The following TMEM267 variants were observed in gnomAD, a reference collection of about 807,000 sequenced individuals.
TMEM267 encodes the protein transmembrane protein C5orf28.
A neutral mutation model predicts 19.3 loss-of-function variants in TMEM267; 20 were observed. The ratio of observed to expected loss-of-function variants is 1.04; its 90% CI spans 0.73 to 1.51. TMEM267 has a LOEUF of 1.51. Among genes scored for constraint, TMEM267 ranks in the 40% most tolerant of loss-of-function variants. TMEM267 has a pLI of 0.00. For synonymous variants in TMEM267, 88 were observed against 90.3 expected (o/e 0.97, Z 0.15); for missense variants, 242 against 261.9 (o/e 0.92, Z 0.52).
intron 1 of TMEM267, among the ~76,000 whole-genome samples, chr5:43,469,897 T>C (rs1012900993): frequency 6.6e-6 from 1 of 152,202 alleles, no homozygotes; most frequent in Non-Finnish European, 1.5e-5. Flanking sequence ...GGATGGCTTA[T>C]CTTCACAGGT....
intron 1 of TMEM267, among the ~76,000 whole-genome samples, chr5:43,483,443 G>C (rs908257373): frequency 6.6e-6 from 1 of 152,192 alleles, no homozygotes; most frequent in South Asian, 2.1e-4. Flanking sequence ...TCTTACAACC[G>C]GTTAAGGACG....
In TMEM267 at chr5:43,445,479, A is replaced by G. The variant is rs897826693; in HGVS notation, c.*743T>C. On this transcript the variant is annotated 3_prime_UTR_variant, in exon 3 of 3. Transcript: ENST00000397080. ...ACTTATTATTTTCAAAACAGTTAAAACTAACACACGAGATTCTAGGCTAGA... is the reference window on the plus strand; with the variant it reads ...ACTTATTATTTTCAAAACAGTTAAAGCTAACACACGAGATTCTAGGCTAGA... 6.6e-6 allele frequency: 1 copy of G among 152,114 alleles called. No homozygotes were observed. Among genetic ancestry groups the G allele is most frequent in the Non-Finnish European group, 1.5e-5 (1 of 67,998 alleles). The allele number at this position is 152,114 out of a possible 1,614,324, so 9.4% of individuals were successfully genotyped here. A position where few individuals can be genotyped will look rare whatever the true frequency, so the allele number is the denominator to read the frequency against.
intron 2 of TMEM267, among the ~76,000 whole-genome samples, chr5:43,450,230 G>C (rs982684177): frequency 6.6e-6 from 1 of 152,156 alleles, no homozygotes; most frequent in Non-Finnish European, 1.5e-5. Flanking sequence ...CTGGCCTCAA[G>C]TGATCCTCCC....
Position 43,454,052 on chromosome 5 carries a change from G to GA in TMEM267, c.-74-10dup, listed in dbSNP as rs1326975546. 3 of 1,490,252 alleles carry GA rather than the reference G, an allele frequency of 2.0e-6. No homozygotes were observed. The highest frequency in any genetic ancestry group is 2.7e-6 in the Non-Finnish European group (3 of 1,117,112). The allele number at this position is 1,490,252 out of a possible 1,614,324, so 92.3% of individuals were successfully genotyped here. ...TTTACATTTCCAGCACCCTAAAGGA[G>GA]AAAGTAGAGAAAAATATGAATGAAG... On this transcript the variant is annotated splice_polypyrimidine_tract_variant and intron_variant, in intron 1 of 2. Transcript: ENST00000397080.
At chr5:43,451,124 G>A (rs1468766079) in intron 2 of TMEM267, among the ~76,000 whole-genome samples, 1 of 151,990 alleles carries the variant, frequency 6.6e-6, no homozygotes, top group African/African-American at 2.4e-5. Context: ...ACCGCACCCG[G>A]CCCATTTACT....
At chr5:43,463,003 G>A (rs931966911) in intron 1 of TMEM267, among the ~76,000 whole-genome samples, 2 of 152,072 alleles carry the variant, frequency 1.3e-5, no homozygotes, top group Non-Finnish European at 2.9e-5. Context: ...TCCAGGAGCT[G>A]GTTTTTTGAA....
chr5:43,481,261 A>C (rs754386110), intron 1 of TMEM267, among the ~76,000 whole-genome samples: 1 of 151,346 alleles, frequency 6.6e-6, no homozygotes, highest in African/African-American at 2.4e-5. Context: ...ACTTGGCTAG[A>C]TTTTTGTTTT....
At chr5:43,449,342 A>C (rs1188201257) in intron 2 of TMEM267, among the ~76,000 whole-genome samples, 1 of 152,192 alleles carries the variant, frequency 6.6e-6, no homozygotes, top group Non-Finnish European at 1.5e-5. Flanking sequence ...AAGTAAAAAC[A>C]GTCAGGTAGA....
At chr5:43,452,077 CAAAAAAA>C (rs375224453) in intron 2 of TMEM267, among the ~76,000 whole-genome samples, 1 of 86,552 alleles carries the variant, frequency 1.2e-5, no homozygotes, top group Non-Finnish European at 2.2e-5. Context: ...GACCCTATCT[CAAAAAAA>C]AAAAAAAAAA....
chr5:43,482,181 AATTT>A (rs1300331112), intron 1 of TMEM267, among the ~76,000 whole-genome samples: 1 of 152,176 alleles, frequency 6.6e-6, no homozygotes, highest in Non-Finnish European at 1.5e-5. Flanking sequence ...GTTTTGGTGT[AATTT>A]ATTACACAAT....
chr5:43,453,232 C>G (rs1478520660), intron 2 of TMEM267, among the ~76,000 whole-genome samples: 1 of 152,172 alleles, frequency 6.6e-6, no homozygotes, highest in African/African-American at 2.4e-5. Context: ...TACTTAGGAG[C>G]TGCATACTAA....
At chr5:43,472,310 G>A (rs1744128625) in intron 1 of TMEM267, among the ~76,000 whole-genome samples, 5 of 151,960 alleles carry the variant, frequency 3.3e-5, no homozygotes, top group Admixed American at 3.3e-4. Context: ...AAGAGGATGT[G>A]CAGAAAAGGG....
intron 1 of TMEM267, chr5:43,476,029 T>A (rs1359585393): frequency 6.6e-6 from 1 of 152,148 alleles, no homozygotes; most frequent in Non-Finnish European, 1.5e-5. Flanking sequence ...AACTCACAAA[T>A]GAAGCAAGTC....
At chr5:43,455,310 C>A (rs1419741379) in intron 1 of TMEM267, among the ~76,000 whole-genome samples, 1 of 151,728 alleles carries the variant, frequency 6.6e-6, no homozygotes, top group Non-Finnish European at 1.5e-5. Flanking sequence ...GTAGTCCCAG[C>A]TACTTGAGAG....
chr5:43,481,182 G>A (rs577325326), intron 1 of TMEM267, among the ~76,000 whole-genome samples: 21 of 139,724 alleles, frequency 1.5e-4, no homozygotes, highest in African/African-American at 5.2e-4. Context: ...ATAGCTCACT[G>A]TAACCTTGAA....
At chr5:43,483,523 G>A (rs955594375) in intron 1 of TMEM267, among the ~76,000 whole-genome samples, 1 of 152,172 alleles carries the variant, frequency 6.6e-6, no homozygotes, top group Admixed American at 6.5e-5. Context: ...GGCGCGGAGC[G>A]TAGGCGGAGG....
intron 1 of TMEM267, among the ~76,000 whole-genome samples, chr5:43,469,283 G>A (rs572524280): frequency 1.3e-4 from 19 of 151,968 alleles, no homozygotes; most frequent in Admixed American, 7.2e-4. Context: ...TTGTTTTTTG[G>A]AAAAGTTAAA....
At position 43,446,531 on chromosome 5, in the gene TMEM267, A is replaced by G; in HGVS notation, c.339T>C (p.Pro113=). The change falls in exon 3 of 3, where the codon CCT becomes CCC. Residue 113 remains proline (P), a synonymous_variant. Coordinates refer to ENST00000397080, the MANE Select transcript of TMEM267 (RefSeq NM_022483.5). ...LKAALTLPRR[P]FLHCSTVIPV... is the part of the protein sequence containing the mutation. ...GAATCACAGTAGAACAGTGAAGGAA[A>G]GGTCTTCGCGGGAGAGTCAAAGCAG... 6.2e-7 allele frequency: 1 copy of G among 1,612,436 alleles called. No homozygotes were observed. Among genetic ancestry groups the G allele is most frequent in the Non-Finnish European group, 8.5e-7 (1 of 1,178,774 alleles).
chr5:43,465,310 G>C (rs1339093432), intron 1 of TMEM267, among the ~76,000 whole-genome samples: 1 of 152,216 alleles, frequency 6.6e-6, no homozygotes, highest in Non-Finnish European at 1.5e-5. Flanking sequence ...GGAAACAACA[G>C]GTGCTGGAGA....
Sources: gnomAD v4.1 joint callset for allele counts (sites outside exome capture counted in the v4.1 genomes callset) on GRCh38, gnomAD v4.1.1 for gene constraint, MANE v1.5 for transcripts, NCBI Gene and HGNC (gene_info 2026-07-23, HGNC 2026-07-21) for gene names.